The following SLCO3A1 variants were observed in gnomAD, a reference collection of about 807,000 sequenced individuals.
The protein encoded by SLCO3A1 is solute carrier organic anion transporter family member 3A1.
SLCO3A1 carries 27 observed loss-of-function variants against 63.1 expected under a neutral mutation model. The ratio of observed to expected loss-of-function variants is 0.43; its 90% CI spans 0.32 to 0.59. SLCO3A1 has a LOEUF of 0.59. Among genes scored for constraint, SLCO3A1 ranks in the 20% least tolerant of loss-of-function variants. The pLI is 0.09. For missense variants in SLCO3A1, 773 were observed against 945.8 expected (o/e 0.82, Z 2.40); for synonymous variants, 473 against 409.9 (o/e 1.15, Z -1.86).
intron 2 of SLCO3A1, among the ~76,000 whole-genome samples, chr15:92,063,420 A>C (rs2151508186): frequency 6.6e-6 from 1 of 152,304 alleles, no homozygotes; most frequent in South Asian, 2.1e-4. Flanking sequence ...AGTGACCTGG[A>C]CATGTGTCCT....
chr15:91,997,342 G>A (rs1162845733), intron 2 of SLCO3A1, among the ~76,000 whole-genome samples: 1 of 152,138 alleles, frequency 6.6e-6, no homozygotes, highest in African/African-American at 2.4e-5. Context: ...AAACACTGCT[G>A]AATGATGTCA....
intron 2 of SLCO3A1, among the ~76,000 whole-genome samples, chr15:92,093,773 A>G (rs1022673914): frequency 1.3e-5 from 2 of 152,068 alleles, no homozygotes; most frequent in South Asian, 2.1e-4. Flanking sequence ...TGGTTCCACA[A>G]TGACATCACC....
At chr15:92,125,536 C>T (rs896421000) in intron 5 of SLCO3A1, among the ~76,000 whole-genome samples, 14 of 152,146 alleles carry the variant, frequency 9.2e-5, no homozygotes, top group Non-Finnish European at 7.4e-5. Context: ...CAAACACTCT[C>T]TCTATGGCCT....
At chr15:91,945,368 G>A (rs1182551881) in intron 2 of SLCO3A1, among the ~76,000 whole-genome samples, 1 of 151,204 alleles carries the variant, frequency 6.6e-6, no homozygotes, top group Non-Finnish European at 1.5e-5. Flanking sequence ...TTACGTGGCT[G>A]GCACTGGATT....
In SLCO3A1 at chr15:91,885,635, C is replaced by G. The variant is rs944677416; in HGVS notation, c.181-30358C>G. Among the ~76,000 whole-genome samples, 2 of 152,218 alleles carry G rather than the reference C, an allele frequency of 1.3e-5. No homozygotes were observed. Among genetic ancestry groups the G allele is most frequent in the African/African-American group, 4.8e-5 (2 of 41,454 alleles). ...AACCCTTAAACTGATGGCCCTTGAA[C>G]AAGTGCATCATTCTCTGTCCTTGAT... On this transcript the variant is annotated intron_variant, in intron 1 of 9. Transcript: ENST00000318445. The surrounding 1 kb of genome is among the most constrained non-coding windows in gnomAD (Gnocchi z 4.7).
rs1475474129 is a variant in SLCO3A1 at position 92,033,982 on chromosome 15, C to T, written c.647-60899C>T. On this transcript the variant is annotated intron_variant, in intron 2 of 9. Transcript: ENST00000318445. This position sits in a 1 kb window ranked among gnomAD's most constrained non-coding sequence, Gnocchi z 4.5. ...GGGGGAGGAGCAGAATGAATGGGGG[C>T]GCCATGGCAGATCACGTGGAGTCCT... is the stretch of plus-strand genomic sequence containing the variant. 2.0e-5 allele frequency among the ~76,000 whole-genome samples: 3 copies of T among 151,812 alleles called. No individual in the cohort carries two copies. Among genetic ancestry groups the T allele is most frequent in the Non-Finnish European group, 2.9e-5 (2 of 67,970 alleles).
chr15:92,017,911 A>T (rs1220614379), intron 2 of SLCO3A1, among the ~76,000 whole-genome samples: 1 of 151,992 alleles, frequency 6.6e-6, no homozygotes, highest in African/African-American at 2.4e-5. Context: ...CCCACCACAT[A>T]CTCCTGGAAG....
intron 1 of SLCO3A1, among the ~76,000 whole-genome samples, chr15:91,889,443 A>G (rs763598936): frequency 6.6e-6 from 1 of 152,340 alleles, no homozygotes; most frequent in Non-Finnish European, 1.5e-5. Context: ...GTGGGCAGTA[A>G]GATGTGTACA....
intron 8 of SLCO3A1, among the ~76,000 whole-genome samples, chr15:92,150,629 G>A (rs2048292525): frequency 6.6e-6 from 1 of 151,934 alleles, no homozygotes; most frequent in Non-Finnish European, 1.5e-5. Context: ...GATGCTTCCT[G>A]ATCTCAGCAA....
intron 1 of SLCO3A1, among the ~76,000 whole-genome samples, chr15:91,869,610 G>T (rs1295084050): frequency 6.6e-6 from 1 of 151,908 alleles, no homozygotes; most frequent in East Asian, 1.9e-4. Context: ...GAGGTGGGAG[G>T]ATCACTTGAG....
rs888253335 is a variant in SLCO3A1 at position 91,859,326 on chromosome 15, C to T, written c.180+5238C>T. Among the ~76,000 whole-genome samples, 5 of 152,116 alleles carry T rather than the reference C, an allele frequency of 3.3e-5. No homozygotes were observed. Among genetic ancestry groups the T allele is most frequent in the Admixed American group, 6.5e-5 (1 of 15,268 alleles). Reference sequence around the variant, plus strand: ...TACTCTTTCAATTCATTTTTATTTTCGGTTTCTATGTCTGTATCTGGAAAA... The same window carrying T: ...TACTCTTTCAATTCATTTTTATTTTTGGTTTCTATGTCTGTATCTGGAAAA... On this transcript the variant is annotated intron_variant, in intron 1 of 9. Transcript: ENST00000318445. This position sits in a 1 kb window ranked among gnomAD's most constrained non-coding sequence, Gnocchi z 5.1.
intron 1 of SLCO3A1, among the ~76,000 whole-genome samples, chr15:91,903,062 TCTTACTTGGCA>T (rs1218758538): frequency 1.1e-4 from 16 of 152,360 alleles, no homozygotes; most frequent in Admixed American, 1.0e-3. Flanking sequence ...AGGGACTGTA[TCTTACTTGGCA>T]CTTTAAACCT....
chr15:91,963,911 T>C (rs1417333296), intron 2 of SLCO3A1, among the ~76,000 whole-genome samples: 3 of 152,154 alleles, frequency 2.0e-5, no homozygotes, highest in Admixed American at 6.5e-5. Flanking sequence ...GGCCAGCTTT[T>C]ATTCCCTTAT....
intron 2 of SLCO3A1, among the ~76,000 whole-genome samples, chr15:92,064,881 A>C (rs2047130331): frequency 6.6e-6 from 1 of 152,206 alleles, no homozygotes; most frequent in Non-Finnish European, 1.5e-5. Flanking sequence ...GAGGAAGGGG[A>C]AATGAAGACA....
chr15:91,914,653 G>A (rs570153652), intron 1 of SLCO3A1, among the ~76,000 whole-genome samples: 4 of 141,104 alleles, frequency 2.8e-5, no homozygotes, highest in African/African-American at 7.9e-5. Context: ...CACTGCAACC[G>A]CCGCCTCCAG....
At chr15:92,168,876 A>G (rs772137451), downstream of SLCO3A1, among the ~76,000 whole-genome samples, 3 of 152,196 alleles carry the variant, frequency 2.0e-5, no homozygotes, top group Non-Finnish European at 4.4e-5. Context: ...TAGCTCGACT[A>G]GAGTTACCAT....
chr15:91,931,620 A>G (rs570074724), intron 2 of SLCO3A1, among the ~76,000 whole-genome samples: 2 of 151,908 alleles, frequency 1.3e-5, no homozygotes, highest in East Asian at 3.9e-4. Context: ...ACAGGCTCAC[A>G]CCACTGCGTC....
intron 7 of SLCO3A1, among the ~76,000 whole-genome samples, chr15:92,141,166 G>A (rs1003063991): frequency 6.6e-6 from 1 of 152,168 alleles, no homozygotes; most frequent in Non-Finnish European, 1.5e-5. Flanking sequence ...AAGTTTGGAT[G>A]CCAAGCAGAG....
At position 92,164,126 on chromosome 15, in the gene SLCO3A1, C is replaced by G; in HGVS notation, c.*991C>G. On this transcript the variant is annotated 3_prime_UTR_variant, in exon 10 of 10. Transcript: ENST00000318445. ...TAACTACTTCTAAAATCTGTGTTAA[C>G]CCTTCAAGTCACTAACACAGTTCTC... 1 of 980,528 alleles carries G rather than the reference C, an allele frequency of 1.0e-6. No homozygotes were observed. Among genetic ancestry groups the G allele is most frequent in the Non-Finnish European group, 1.2e-6 (1 of 825,434 alleles). 60.7% of individuals were successfully genotyped at this position (980,528 alleles called of 1,614,324 possible).
Sources: allele counts gnomAD v4.1 joint callset (sites outside exome capture counted in the v4.1 genomes callset), GRCh38; gene constraint gnomAD v4.1.1; non-coding constraint Gnocchi (gnomAD v3.1); transcripts MANE v1.5; gene names NCBI Gene and HGNC (gene_info 2026-07-23, HGNC 2026-07-21).